Variants in PLXNA4 observed in about 807,000 individuals in gnomAD.
The protein encoded by PLXNA4 is plexin-A4.
PLXNA4 carries 44 observed loss-of-function variants against 191.8 expected under a neutral mutation model. That is an observed-to-expected ratio of 0.23 (90% CI 0.18 to 0.29). The LOEUF (loss-of-function observed/expected upper bound fraction) is 0.29. Among genes scored for constraint, PLXNA4 ranks in the 10% least tolerant of loss-of-function variants. The pLI, the probability that PLXNA4 is intolerant of heterozygous loss-of-function variation, is 1.00. For missense variants in PLXNA4, 1,800 were observed against 2,488.8 expected, an observed-to-expected ratio of 0.72 and a Z score of 5.89; for synonymous variants, 1,082 against 1,009.5, an observed-to-expected ratio of 1.07 and a Z score of -1.36.
intron 3 of PLXNA4, among the ~76,000 whole-genome samples, chr7:132,400,926 C>T (rs1415089916): frequency 9.2e-5 from 14 of 152,146 alleles, no homozygotes; most frequent in Non-Finnish European, 2.9e-5. Context: ...AGAAAACTGT[C>T]ACATTGTTTG....
intron 24 of PLXNA4, among the ~76,000 whole-genome samples, chr7:132,161,239 C>A (rs192796157): frequency 3.3e-5 from 5 of 152,368 alleles, no homozygotes. Flanking sequence ...AGGCTGCCAC[C>A]TAAACGTAAT....
intron 25 of PLXNA4, among the ~76,000 whole-genome samples, chr7:132,158,126 AG>A (rs1285830718): frequency 1.3e-5 from 2 of 152,220 alleles, no homozygotes; most frequent in East Asian, 3.9e-4. Context: ...CCAAGCTCAG[AG>A]CACAGGGCCA....
At chr7:132,346,790 A>T (rs994633613) in intron 3 of PLXNA4, among the ~76,000 whole-genome samples, 4 of 152,224 alleles carry the variant, frequency 2.6e-5, no homozygotes, top group Admixed American at 2.0e-4. Flanking sequence ...ACTTTACTAG[A>T]CATTTGGATG....
In PLXNA4 at chr7:132,124,780, C is replaced by T. The variant is rs1394334714; in HGVS notation, c.*5699G>A. On this transcript the variant is annotated 3_prime_UTR_variant, in exon 32 of 32. Transcript: ENST00000321063. ...ATGGAATAAAGTGAGGCTCCCGCAA[C>T]CCAGGATTTTCAGCCTACCTGAATC... 2 of 152,204 alleles carry T rather than the reference C, an allele frequency of 1.3e-5. No individual in the cohort carries two copies. The highest frequency in any genetic ancestry group is 4.8e-5 in the African/African-American group (2 of 41,448). 9.4% of individuals were successfully genotyped at this position (152,204 alleles called of 1,614,324 possible). A position where few individuals can be genotyped will look rare whatever the true frequency, so the allele number is the denominator to read the frequency against.
intron 1 of PLXNA4, among the ~76,000 whole-genome samples, chr7:132,535,480 G>A (rs6947961): frequency 0.032 from 4,944 of 152,212 alleles, 222 homozygotes; most frequent in African/African-American, 0.096. Flanking sequence ...GCCAATGAGC[G>A]TATCTCCCCT....
intron 1 of PLXNA4, among the ~76,000 whole-genome samples, chr7:132,513,039 T>C (rs156970): frequency 0.38 from 57,865 of 152,126 alleles, 11,311 homozygotes; most frequent in African/African-American, 0.47. Context: ...GTAACCCAAC[T>C]CAAACATGCT....
At chr7:132,258,224 G>A (rs986864355) in intron 4 of PLXNA4, among the ~76,000 whole-genome samples, 1 of 152,266 alleles carries the variant, frequency 6.6e-6, no homozygotes, top group African/African-American at 2.4e-5. Flanking sequence ...TGAAAACAGT[G>A]CAGACCAAAT....
At chr7:132,256,916 G>C (rs1413184616) in intron 4 of PLXNA4, among the ~76,000 whole-genome samples, 3 of 152,192 alleles carry the variant, frequency 2.0e-5, no homozygotes, top group African/African-American at 7.2e-5. Flanking sequence ...GATAACACTG[G>C]ACAGCTGTAC....
intron 5 of PLXNA4, 99 bp downstream of exon 5, chr7:132,240,967 A>C: frequency 1.3e-6 from 1 of 742,900 alleles, no homozygotes; most frequent in Non-Finnish European, 2.1e-6. Flanking sequence ...TGAGGAGAAA[A>C]GACAGATCAA....
intron 3 of PLXNA4, among the ~76,000 whole-genome samples, chr7:132,428,531 C>T (rs372238286): frequency 8.8e-4 from 134 of 152,256 alleles, no homozygotes; most frequent in Middle Eastern, 6.8e-3. Flanking sequence ...CGAGAGCAGG[C>T]GGGAGATTTA....
chr7:132,634,636 C>A (rs1803559916), intron 2 of PLXNA4, among the ~76,000 whole-genome samples: 1 of 152,204 alleles, frequency 6.6e-6, no homozygotes, highest in Non-Finnish European at 1.5e-5. Flanking sequence ...GAATATTGCC[C>A]TCTCCCTTTT....
At chr7:132,586,335 A>G (rs913273203) in intron 2 of PLXNA4, among the ~76,000 whole-genome samples, 1 of 152,250 alleles carries the variant, frequency 6.6e-6, no homozygotes, top group Non-Finnish European at 1.5e-5. Flanking sequence ...ATCCTAAAGA[A>G]AAAGAAACTT....
At chr7:132,581,852 A>G (rs1462677492), upstream of PLXNA4, among the ~76,000 whole-genome samples, 2 of 152,182 alleles carry the variant, frequency 1.3e-5, no homozygotes, top group African/African-American at 4.8e-5. Flanking sequence ...CCCCCTCTCC[A>G]GAATGCTTCC....
chr7:132,303,355 G>A (rs1225740762), intron 3 of PLXNA4, among the ~76,000 whole-genome samples: 1 of 150,972 alleles, frequency 6.6e-6, no homozygotes, highest in Admixed American at 6.6e-5. Flanking sequence ...CGGATCACGA[G>A]GTCAAGAGAT....
At chr7:132,336,450 T>C (rs1802819286) in intron 3 of PLXNA4, among the ~76,000 whole-genome samples, 1 of 152,194 alleles carries the variant, frequency 6.6e-6, no homozygotes, top group Non-Finnish European at 1.5e-5. Context: ...TGTGCATCCA[T>C]AACCTCTTCC....
At chr7:132,634,463 CACACACACACACACACACACT>C (rs1803555104) in intron 2 of PLXNA4, among the ~76,000 whole-genome samples, 1 of 129,560 alleles carries the variant, frequency 7.7e-6, no homozygotes. Flanking sequence ...ACTGCCCCAG[CACACACACACACACACACACT>C]ACACACACAC....
intron 3 of PLXNA4, among the ~76,000 whole-genome samples, chr7:132,376,301 C>T (rs991737792): frequency 6.6e-6 from 1 of 152,114 alleles, no homozygotes; most frequent in Non-Finnish European, 1.5e-5. Context: ...GGCAAAGGAC[C>T]CCCAGCCGAG....
intron 3 of PLXNA4, among the ~76,000 whole-genome samples, chr7:132,394,278 A>T (rs1004419159): frequency 3.9e-5 from 6 of 152,136 alleles, no homozygotes; most frequent in African/African-American, 1.4e-4. Context: ...GATTTGGTGC[A>T]GATGGCACCA....
intron 3 of PLXNA4, among the ~76,000 whole-genome samples, chr7:132,483,724 T>G (rs1156775695): frequency 6.6e-6 from 1 of 152,212 alleles, no homozygotes; most frequent in Non-Finnish European, 1.5e-5. Flanking sequence ...GGCACACGTA[T>G]CAATAAATCT....
Sources: allele counts gnomAD v4.1 joint callset (sites outside exome capture counted in the v4.1 genomes callset), GRCh38; gene constraint gnomAD v4.1.1; transcripts MANE v1.5; gene names NCBI Gene and HGNC (gene_info 2026-07-23, HGNC 2026-07-21).